The following ABR variants were observed in gnomAD, a reference collection of about 807,000 sequenced individuals.
The protein encoded by ABR is ABR activator of RhoGEF and GTPase, also known as active breakpoint cluster region-related protein.
A neutral mutation model predicts 107.2 loss-of-function variants in ABR; 35 were observed. That is an observed-to-expected ratio of 0.33 (90% confidence interval 0.25 to 0.43). The LOEUF (loss-of-function observed/expected upper bound fraction) is 0.43, where lower values mean the gene tolerates loss of function less well. Ranked by LOEUF, ABR falls within the 20% of genes least tolerant of loss-of-function variation. The probability of loss-of-function intolerance (pLI) is 1.00; values close to 1 mark genes in which losing one functional copy is unlikely to be tolerated. For missense variants in ABR, 815 were observed against 1,115.2 expected (o/e 0.73, Z 3.83); for synonymous variants, 498 against 462.0 (o/e 1.08, Z -1.00).
intron 16 of ABR, among the ~76,000 whole-genome samples, chr17:1,048,252 C>T (rs2031928983): frequency 6.6e-6 from 1 of 152,244 alleles, no homozygotes; most frequent in Admixed American, 6.5e-5. Flanking sequence ...GGTGCAGACC[C>T]CACAGCATCG....
chr17:1,019,124 G>A (rs76901084), intron 16 of ABR, among the ~76,000 whole-genome samples: 24,699 of 152,182 alleles, frequency 0.16, 2,685 homozygotes, highest in Admixed American at 0.29. Context: ...CCCCAGTACA[G>A]CCCTCCCGCT....
At chr17:1,012,493 G>A (rs2070690785) in intron 18 of ABR, 195 bp downstream of exon 18, 6 of 700,780 alleles carry the variant, frequency 8.6e-6, no homozygotes, top group Non-Finnish European at 1.3e-5. Flanking sequence ...TTTAGGTGCT[G>A]GCTCGCGTGC....
rs970641525 is a variant in ABR, at chr17:1,012,999, G to A, written c.1851+106C>T. ...GGGGCTGGGCTGCGGGGAGGTCGAG[G>A]CGGCACAGCGGCCCCAGGAGCAGCC... On this transcript the variant is annotated intron_variant, in intron 17 of 22. Coordinates refer to ENST00000302538, the MANE Select transcript of ABR (RefSeq NM_021962.5). 5.8e-6 allele frequency: 8 copies of A among 1,390,546 alleles called. No homozygotes were observed. The Admixed American group carries it at 1.0e-4, about 18-fold the overall frequency. 86.1% of individuals were successfully genotyped at this position (1,390,546 alleles called of 1,614,324 possible). A position where few individuals can be genotyped will look rare whatever the true frequency, so the allele number is the denominator to read the frequency against.
intron 16 of ABR, among the ~76,000 whole-genome samples, chr17:1,019,084 C>T (rs1018493353): frequency 9.8e-5 from 15 of 152,298 alleles, no homozygotes; most frequent in East Asian, 9.7e-4. Context: ...TGTCCCGACC[C>T]GGTGGGCAGA....
At chr17:1,008,647 C>A (rs746141399) in intron 21 of ABR, among the ~76,000 whole-genome samples, 1 of 152,240 alleles carries the variant, frequency 6.6e-6, no homozygotes, top group African/African-American at 2.4e-5. Flanking sequence ...CAGCCCCGGG[C>A]GCGTCCAGGT....
At chr17:1,106,527 C>CTTTTTTTTTT (rs540643214) in intron 2 of ABR, among the ~76,000 whole-genome samples, 1 of 102,586 alleles carries the variant, frequency 9.7e-6, no homozygotes, top group Admixed American at 1.2e-4. Context: ...TTCTCACAGT[C>CTTTTTTTTTT]TTTTTTTTTT....
rs577852586 is a variant in ABR at position 1,005,078 on chromosome 17, C to T, written c.*1002G>A. 112 of 398,458 alleles carry T rather than the reference C, an allele frequency of 2.8e-4. No homozygotes were observed. Among genetic ancestry groups the T allele is most frequent in the Admixed American group, 2.6e-3 (60 of 22,726 alleles). The allele number at this position is 398,458 out of a possible 1,614,324, so 24.7% of individuals were successfully genotyped here. A position where few individuals can be genotyped will look rare whatever the true frequency, so the allele number is the denominator to read the frequency against. On this transcript the variant is annotated 3_prime_UTR_variant, in exon 23 of 23. Transcript: ENST00000302538. ...AGAGCTGAGCTGCCTCCCCGCGACC[C>T]GGGACACCCAGCGTGGCATGTGCAT...
At chr17:1,139,505 G>A (rs2040209859) in intron 1 of ABR, among the ~76,000 whole-genome samples, 1 of 151,892 alleles carries the variant, frequency 6.6e-6, no homozygotes, top group Non-Finnish European at 1.5e-5. Flanking sequence ...ACCCGCCTCG[G>A]CCTCCCAAAA....
chr17:1,124,083 C>A (rs1018726528), intron 2 of ABR, among the ~76,000 whole-genome samples: 11 of 152,198 alleles, frequency 7.2e-5, no homozygotes, highest in Non-Finnish European at 1.5e-4. Context: ...AAGTGGGAAG[C>A]CCGTTGCCAA....
In ABR at chr17:1,200,263, G is replaced by A. The variant is rs190248807; in HGVS notation, c.838+28530C>T. 2.0e-5 allele frequency among the ~76,000 whole-genome samples: 3 copies of A among 152,062 alleles called. No individual in the cohort carries two copies. The highest frequency in any genetic ancestry group is 6.6e-5 in the Admixed American group (1 of 15,252). ...TAGAGATAAGTTAAAGTACACGGGGGTCGGGGGCAGGCATGGTGACTCACG... is the reference window on the plus strand; with the variant it reads ...TAGAGATAAGTTAAAGTACACGGGGATCGGGGGCAGGCATGGTGACTCACG... On this transcript the variant is annotated intron_variant, in intron 1 of 22. Transcript: ENST00000574139. The surrounding 1 kb of genome is among the most constrained non-coding windows in gnomAD (Gnocchi z 4.1).
At chr17:1,125,952 G>A (rs1474150548) in intron 1 of ABR, among the ~76,000 whole-genome samples, 1 of 152,176 alleles carries the variant, frequency 6.6e-6, no homozygotes, top group African/African-American at 2.4e-5. Flanking sequence ...CGAGGAGGCT[G>A]TGCCCAGGCC....
chr17:1,153,445 G>GCACACCTGCGGGAGGGCTAGGGA (rs2040889754), intron 1 of ABR, among the ~76,000 whole-genome samples: 4 of 56,622 alleles, frequency 7.1e-5, no homozygotes, highest in Non-Finnish European at 4.1e-5. Context: ...AGGGCTGGGG[G>GCACACCTGCGGGAGGGCTAGGGA]TCCAGGCACA....
chr17:1,201,090 T>C (rs1312828094), intron 1 of ABR, among the ~76,000 whole-genome samples: 6 of 152,180 alleles, frequency 3.9e-5, no homozygotes, highest in African/African-American at 7.2e-5. Flanking sequence ...CAAACCCTGA[T>C]AGGAATAAAA....
intron 1 of ABR, among the ~76,000 whole-genome samples, chr17:1,201,426 C>T (rs4318271): frequency 0.14 from 20,602 of 152,152 alleles, 1,645 homozygotes; most frequent in Middle Eastern, 0.21. Context: ...TTAGCACTCA[C>T]GCAGTATCAG....
chr17:1,226,547 CGTGTGCAG>C (rs1483204451), intron 1 of ABR, among the ~76,000 whole-genome samples: 25 of 149,060 alleles, frequency 1.7e-4, no homozygotes, highest in African/African-American at 6.0e-4. Flanking sequence ...CATGTACATA[CGTGTGCAG>C]GTGTGCAGGT....
intron 1 of ABR, among the ~76,000 whole-genome samples, chr17:1,169,285 C>A (rs960797458): frequency 6.6e-6 from 1 of 152,232 alleles, no homozygotes; most frequent in Non-Finnish European, 1.5e-5. Context: ...GAACAATGGC[C>A]AATCCCCCTT....
chr17:1,229,288 C>T (rs945085973), exon 1 of ABR, among the ~76,000 whole-genome samples: 1 of 151,566 alleles, frequency 6.6e-6, no homozygotes, highest in African/African-American at 2.4e-5. Flanking sequence ...CAGCTCCTTC[C>T]CCCGCCGGCT....
chr17:1,009,864 C>A, intron 20 of ABR, 80 bp from the exon 21 acceptor site: 1 of 1,301,704 alleles, frequency 7.7e-7, no homozygotes, highest in Non-Finnish European at 1.1e-6. Context: ...GGCTGTGGGC[C>A]CCTGCGGGAG....
At chr17:1,180,751 C>A (rs572427353), upstream of ABR, among the ~76,000 whole-genome samples, 2 of 152,202 alleles carry the variant, frequency 1.3e-5, no homozygotes, top group African/African-American at 4.8e-5. Flanking sequence ...CGTTTAGAGA[C>A]GAAATTCCCT....
Sources: allele counts gnomAD v4.1 joint callset (sites outside exome capture counted in the v4.1 genomes callset), GRCh38; gene constraint gnomAD v4.1.1; non-coding constraint Gnocchi (gnomAD v3.1); transcripts MANE v1.5; gene names NCBI Gene and HGNC (gene_info 2026-07-23, HGNC 2026-07-21).